Variants in ADAMTS17 observed in about 807,000 individuals in gnomAD.
ADAMTS17 encodes the protein ADAM metallopeptidase with thrombospondin type 1 motif 17, also known as A disintegrin and metalloproteinase with thrombospondin motifs 17.
In ADAMTS17, 113 loss-of-function variants were observed where a neutral mutation model predicts 141.5. The ratio of observed to expected loss-of-function variants is 0.80; its 90% CI spans 0.69 to 0.93. The LOEUF is 0.93. Ranked by LOEUF, ADAMTS17 falls within the 40% of genes least tolerant of loss-of-function variation. The pLI is 0.00. For synonymous variants in ADAMTS17, 768 were observed against 630.6 expected (o/e 1.22, Z -3.27); for missense variants, 1,659 against 1,517.9 (o/e 1.09, Z -1.54).
At chr15:100,130,725 T>C (rs1189387603) in intron 12 of ADAMTS17, among the ~76,000 whole-genome samples, 2 of 152,306 alleles carry the variant, frequency 1.3e-5, no homozygotes, top group South Asian at 2.1e-4. Flanking sequence ...ATTGTGGAGA[T>C]TTCTTTATAG....
intron 3 of ADAMTS17, among the ~76,000 whole-genome samples, chr15:100,319,761 A>G (rs1163927380): frequency 2.0e-5 from 3 of 151,944 alleles, no homozygotes; most frequent in Non-Finnish European, 2.9e-5. Flanking sequence ...AAGACTTCAA[A>G]TAATTATACT....
chr15:99,996,911 C>T (rs917012028), intron 19 of ADAMTS17, among the ~76,000 whole-genome samples: 3 of 152,172 alleles, frequency 2.0e-5, no homozygotes, highest in Non-Finnish European at 2.9e-5. Flanking sequence ...AGGCTTAATC[C>T]ACTTCTTTCC....
chr15:100,162,399 T>G (rs1362700261), intron 8 of ADAMTS17, among the ~76,000 whole-genome samples: 1 of 147,190 alleles, frequency 6.8e-6, no homozygotes, highest in Non-Finnish European at 1.5e-5. Flanking sequence ...ACTATCTATA[T>G]GTGTATATAT....
At chr15:100,284,183 A>G (rs945645780) in intron 3 of ADAMTS17, among the ~76,000 whole-genome samples, 6 of 152,252 alleles carry the variant, frequency 3.9e-5, no homozygotes, top group African/African-American at 9.6e-5. Flanking sequence ...AGAAAAACTT[A>G]TAAGACCTGT....
At chr15:100,310,514 G>C (rs532450915) in intron 3 of ADAMTS17, among the ~76,000 whole-genome samples, 1 of 152,354 alleles carries the variant, frequency 6.6e-6, no homozygotes, top group South Asian at 2.1e-4. Context: ...TTCGCTTACA[G>C]AGAAGAAAGG....
chr15:99,991,786 T>C (rs1198399188), intron 20 of ADAMTS17, among the ~76,000 whole-genome samples: 1 of 152,100 alleles, frequency 6.6e-6, no homozygotes, highest in East Asian at 1.9e-4. Flanking sequence ...TATCCATCAA[T>C]GATAGACTGG....
chr15:100,146,996 C>A lies in ADAMTS17; in HGVS notation c.1473+5616G>T, dbSNP rs1193895256. On this transcript the variant is annotated intron_variant, in intron 10 of 21. Transcript: ENST00000268070. ...AACTTCATTAGCCATTTTAATTTCACCCCGGTCCTGTGGTCCTGTGATCTC... is the reference window on the plus strand; with the variant it reads ...AACTTCATTAGCCATTTTAATTTCAACCCGGTCCTGTGGTCCTGTGATCTC... Among the ~76,000 whole-genome samples, 8 of 152,284 alleles carry A rather than the reference C, an allele frequency of 5.3e-5. No homozygotes were observed. The East Asian group carries it at 1.5e-3, about 29-fold the overall frequency.
chr15:100,217,524 G>C (rs531398114), intron 7 of ADAMTS17, among the ~76,000 whole-genome samples: 1 of 152,052 alleles, frequency 6.6e-6, no homozygotes, highest in Non-Finnish European at 1.5e-5. Flanking sequence ...GCTTGAATCC[G>C]GGAGGCGGAG....
chr15:100,061,374 C>T (rs1312346306), intron 15 of ADAMTS17, among the ~76,000 whole-genome samples: 1 of 152,148 alleles, frequency 6.6e-6, no homozygotes, highest in East Asian at 1.9e-4. Context: ...GATTAGGGAT[C>T]GGCTCTCCAA....
At chr15:100,334,117 A>G (rs2141968105) in intron 2 of ADAMTS17, among the ~76,000 whole-genome samples, 1 of 152,320 alleles carries the variant, frequency 6.6e-6, no homozygotes. Flanking sequence ...CTATTAAGAC[A>G]GAGTTGTAAA....
chr15:100,102,589 T>C (rs554251826), intron 14 of ADAMTS17, among the ~76,000 whole-genome samples: 44 of 148,840 alleles, frequency 3.0e-4, no homozygotes, highest in Non-Finnish European at 4.7e-4. Flanking sequence ...GAAGGCCTAC[T>C]GAAGGAGATC....
At chr15:100,223,397 C>T (rs1392888882) in intron 7 of ADAMTS17, among the ~76,000 whole-genome samples, 2 of 152,138 alleles carry the variant, frequency 1.3e-5, no homozygotes, top group Non-Finnish European at 2.9e-5. Flanking sequence ...AGACCAGATG[C>T]AGCCTGAGTA....
At chr15:100,068,205 A>T (rs1243462240) in intron 15 of ADAMTS17, among the ~76,000 whole-genome samples, 1 of 151,710 alleles carries the variant, frequency 6.6e-6, no homozygotes, top group Non-Finnish European at 1.5e-5. Context: ...AGGCTGGGGG[A>T]GGGGCGCCCG....
At chr15:100,142,293 G>A (rs1468964956) in intron 10 of ADAMTS17, among the ~76,000 whole-genome samples, 1 of 152,198 alleles carries the variant, frequency 6.6e-6, no homozygotes, top group Non-Finnish European at 1.5e-5. Flanking sequence ...ACGTGAGAAA[G>A]GAGAAAAGCC....
chr15:100,339,734 T>C (rs561961775), intron 2 of ADAMTS17, among the ~76,000 whole-genome samples: 2 of 152,102 alleles, frequency 1.3e-5, no homozygotes, highest in African/African-American at 2.4e-5. Context: ...TATATCACTT[T>C]CCTTGTTTCA....
At chr15:100,018,351 A>G (rs892898) in intron 18 of ADAMTS17, among the ~76,000 whole-genome samples, 13,665 of 152,232 alleles carry the variant, frequency 0.09, 1,762 homozygotes, top group African/African-American at 0.29. Flanking sequence ...AGAAATATAA[A>G]TATCTCCCGA....
At chr15:100,162,125 A>G (rs897159222) in intron 8 of ADAMTS17, among the ~76,000 whole-genome samples, 3 of 152,184 alleles carry the variant, frequency 2.0e-5, no homozygotes, top group African/African-American at 7.2e-5. Context: ...AGACAACATC[A>G]TAGCAGGTAA....
chr15:100,100,934 C>G (rs1174888318), intron 14 of ADAMTS17, among the ~76,000 whole-genome samples: 1 of 151,996 alleles, frequency 6.6e-6, no homozygotes, highest in Non-Finnish European at 1.5e-5. Flanking sequence ...TCTTGTAAGC[C>G]CTCCCCCGGA....
rs985733363 is a variant in ADAMTS17, at chr15:100,121,394, C to T, written c.1722-4381G>A. Among the ~76,000 whole-genome samples the T allele has an allele frequency of 2.6e-5, 4 of 152,146 alleles. No homozygotes were observed. The East Asian group carries it at 7.7e-4, about 29-fold the overall frequency. On this transcript the variant is annotated intron_variant, in intron 12 of 21. Transcript: ENST00000268070. ...TAGGATACAAGGACCCATACTAAGA[C>T]ACATTGTAATTAAACTGCCAAAAGA...
Sources: allele counts gnomAD v4.1 joint callset (sites outside exome capture counted in the v4.1 genomes callset), GRCh38; gene constraint gnomAD v4.1.1; transcripts MANE v1.5; gene names NCBI Gene and HGNC (gene_info 2026-07-23, HGNC 2026-07-21).